The following SYNE3 variants were observed in gnomAD, a reference collection of about 807,000 sequenced individuals.
The protein encoded by SYNE3 is nesprin-3.
In SYNE3, 100 loss-of-function variants were observed where a neutral mutation model predicts 111.2. That is an observed-to-expected ratio of 0.90 (90% CI 0.77 to 1.06). SYNE3 has a LOEUF of 1.06. Ranked by LOEUF, SYNE3 falls within the 50% of genes least tolerant of loss-of-function variation. The probability of loss-of-function intolerance (pLI) is 0.00; values close to 1 mark genes in which losing one functional copy is unlikely to be tolerated. For synonymous variants in SYNE3, 547 were observed against 533.9 expected, an observed-to-expected ratio of 1.02 and a Z score of -0.34; for missense variants, 1,160 against 1,240.3, an observed-to-expected ratio of 0.94 and a Z score of 0.97.
At chr14:95,493,937 T>C (rs1159788433) in intron 1 of SYNE3, among the ~76,000 whole-genome samples, 2 of 152,164 alleles carry the variant, frequency 1.3e-5, no homozygotes, top group South Asian at 2.1e-4. Context: ...TTCATTCCTG[T>C]TTTATAGATG....
intron 1 of SYNE3, among the ~76,000 whole-genome samples, chr14:95,483,107 G>GC (rs1322359863): frequency 1.3e-5 from 2 of 152,104 alleles, no homozygotes; most frequent in Non-Finnish European, 2.9e-5. Context: ...AACCAACTGA[G>GC]CCCCCCAGCT....
At chr14:95,478,933 G>A (rs1366099264) in intron 1 of SYNE3, among the ~76,000 whole-genome samples, 1 of 152,008 alleles carries the variant, frequency 6.6e-6, no homozygotes, top group Non-Finnish European at 1.5e-5. Flanking sequence ...TGACCCCACC[G>A]GCACATGTCT....
At chr14:95,512,077 A>G (rs1476580524) in intron 1 of SYNE3, among the ~76,000 whole-genome samples, 2 of 152,230 alleles carry the variant, frequency 1.3e-5, no homozygotes, top group Non-Finnish European at 2.9e-5. Context: ...ATCTGAGGTC[A>G]TAGAGTGTTA....
rs368064896 is a variant in SYNE3, at chr14:95,418,029, G to A, written c.2728-3C>T. Reference sequence around the variant, plus strand: ...CCCAGTCCTCGCCACCGCCGAGTCTGCGGAACCAACACAGCACAGGTGAGT... The same window carrying A: ...CCCAGTCCTCGCCACCGCCGAGTCTACGGAACCAACACAGCACAGGTGAGT... On this transcript the variant is annotated splice_polypyrimidine_tract_variant and splice_region_variant and intron_variant, in intron 17 of 17. Coordinates refer to ENST00000682763, the MANE Select transcript of SYNE3 (RefSeq NM_152592.6). 1.1e-5 allele frequency: 17 copies of A among 1,607,808 alleles called. No homozygotes were observed. The highest frequency in any genetic ancestry group is 4.4e-5 in the South Asian group (4 of 90,982).
intron 6 of SYNE3, among the ~76,000 whole-genome samples, chr14:95,452,700 A>G (rs1261712847): frequency 6.6e-6 from 1 of 152,238 alleles, no homozygotes; most frequent in Non-Finnish European, 1.5e-5. Flanking sequence ...CACCAATGCC[A>G]GGCTGAGCGC....
At position 95,408,631 on chromosome 14, in the gene SYNE3, C is replaced by A; in HGVS notation, c.*9195G>T. ...CCCAGAGCTGGAAGCCAGGGCTGCC[C>A]AGTTGTGCTTCTGCATGGAGATGTG... is the stretch of plus-strand genomic sequence containing the variant. On this transcript the variant is annotated 3_prime_UTR_variant, in exon 18 of 18. Coordinates refer to ENST00000682763, the MANE Select transcript of SYNE3 (RefSeq NM_152592.6). 1 of 159,516 alleles carries A rather than the reference C, an allele frequency of 6.3e-6. No homozygotes were observed. The highest frequency in any genetic ancestry group is 2.4e-5 in the African/African-American group (1 of 41,710). The allele number at this position is 159,516 out of a possible 1,614,324, so 9.9% of individuals were successfully genotyped here.
intron 17 of SYNE3, among the ~76,000 whole-genome samples, chr14:95,421,155 T>A (rs1885100154): frequency 6.6e-6 from 1 of 152,208 alleles, no homozygotes; most frequent in East Asian, 1.9e-4. Context: ...TTTTTCTTTA[T>A]AAATTACCCA....
intron 17 of SYNE3, among the ~76,000 whole-genome samples, chr14:95,420,080 G>A (rs146207611): frequency 6.9e-4 from 105 of 151,318 alleles, no homozygotes; most frequent in African/African-American, 2.5e-3. Context: ...TGTGCCTCCA[G>A]TCTCAAATGT....
intron 15 of SYNE3, among the ~76,000 whole-genome samples, chr14:95,434,119 G>A (rs1885952152): frequency 6.6e-6 from 1 of 152,036 alleles, no homozygotes. Flanking sequence ...TATGAGACAG[G>A]AGAGGCAGGC....
chr14:95,459,107 T>C (rs28514890), intron 4 of SYNE3, among the ~76,000 whole-genome samples: 10,350 of 152,236 alleles, frequency 0.068, 1,139 homozygotes, highest in African/African-American at 0.23. Flanking sequence ...ATGGAGCTAC[T>C]CCACCGCCAG....
chr14:95,446,225 A>C, intron 8 of SYNE3, 134 bp from the exon 9 acceptor site: 1 of 1,055,208 alleles, frequency 9.5e-7, no homozygotes. Flanking sequence ...GAAGCAGCAA[A>C]CTCAAGTAGA....
chr14:95,444,655 A>G (rs1435832561), intron 9 of SYNE3, 27 bp from the exon 10 acceptor site: 5 of 1,543,192 alleles, frequency 3.2e-6, no homozygotes, highest in East Asian at 2.3e-5. Context: ...CAGTGTGCAC[A>G]TTAAGAGCGT....
chr14:95,486,103 T>C (rs1889533140), intron 1 of SYNE3, among the ~76,000 whole-genome samples: 1 of 151,908 alleles, frequency 6.6e-6, no homozygotes, highest in Non-Finnish European at 1.5e-5. Context: ...CACATTTCAG[T>C]GGAAACACAC....
chr14:95,418,075 T>TG (rs1884851250), intron 17 of SYNE3, 49 bp from the exon 18 acceptor site: 2 of 1,593,322 alleles, frequency 1.3e-6, no homozygotes, highest in South Asian at 1.1e-5. Context: ...GCTCTGGTGG[T>TG]GGGGGGCAGG....
At chr14:95,431,478 C>T (rs551540834) in intron 17 of SYNE3, among the ~76,000 whole-genome samples, 1 of 152,342 alleles carries the variant, frequency 6.6e-6, no homozygotes, top group Non-Finnish European at 1.5e-5. Flanking sequence ...CAATACATAG[C>T]ATCTCGAGTA....
intron 1 of SYNE3, among the ~76,000 whole-genome samples, chr14:95,501,095 C>T (rs1426857105): frequency 6.6e-6 from 1 of 152,238 alleles, no homozygotes. Context: ...CTTCTGCCTC[C>T]ATAGAATGGG....
intron 1 of SYNE3, among the ~76,000 whole-genome samples, chr14:95,486,627 C>G (rs1889564223): frequency 1.3e-5 from 2 of 152,148 alleles, no homozygotes; most frequent in African/African-American, 2.4e-5. Context: ...GCCCTAAACC[C>G]CAGCGGCCCA....
At chr14:95,481,909 G>T (rs540465465) in intron 1 of SYNE3, among the ~76,000 whole-genome samples, 4 of 152,256 alleles carry the variant, frequency 2.6e-5, no homozygotes, top group Admixed American at 6.5e-5. Flanking sequence ...GAGGCAGATC[G>T]CCTGCTGGGT....
In SYNE3 at chr14:95,409,377, G is replaced by T. The variant is rs867849120; in HGVS notation, c.*8449C>A. On this transcript the variant is annotated 3_prime_UTR_variant, in exon 18 of 18. Transcript: ENST00000682763. Reference sequence around the variant, plus strand: ...CATCAGAACAGGAAGAGGGACTGTAGGACTTTGTCCCTCATCTCCACAGAG... The same window carrying T: ...CATCAGAACAGGAAGAGGGACTGTATGACTTTGTCCCTCATCTCCACAGAG... The T allele has an allele frequency of 2.2e-6, 1 of 456,790 alleles. No individual in the cohort carries two copies. 28.3% of individuals were successfully genotyped at this position (456,790 alleles called of 1,614,324 possible). A position where few individuals can be genotyped will look rare whatever the true frequency, so the allele number is the denominator to read the frequency against.
Sources: gnomAD v4.1 joint callset for allele counts (sites outside exome capture counted in the v4.1 genomes callset) on GRCh38, gnomAD v4.1.1 for gene constraint, MANE v1.5 for transcripts, NCBI Gene and HGNC (gene_info 2026-07-23, HGNC 2026-07-21) for gene names.